Variants in RBL2 observed in about 807,000 individuals in gnomAD.
RBL2 encodes retinoblastoma-like protein 2.
RBL2 carries 56 observed loss-of-function variants against 126.0 expected under a neutral mutation model. The ratio of observed to expected loss-of-function variants is 0.44; its 90% CI spans 0.36 to 0.56. The LOEUF is 0.56. Ranked by LOEUF, RBL2 falls within the 20% of genes least tolerant of loss-of-function variation. RBL2 has a pLI of 0.00. For missense variants in RBL2, 1,229 were observed against 1,398.2 expected (o/e 0.88, Z 1.93); for synonymous variants, 454 against 478.5 (o/e 0.95, Z 0.67).
At chr16:53,446,316 A>G (rs767576926) in intron 3 of RBL2, among the ~76,000 whole-genome samples, 1 of 135,300 alleles carries the variant, frequency 7.4e-6, no homozygotes, top group Non-Finnish European at 1.5e-5. Flanking sequence ...GACAGATGAA[A>G]TGACTAAGGC....
intron 21 of RBL2, chr16:53,488,752 AAAAT>A (rs1486977495): frequency 6.6e-6 from 1 of 152,228 alleles, no homozygotes; most frequent in Non-Finnish European, 1.5e-5. Flanking sequence ...GACTTGTTGA[AAAAT>A]AAATTATGGT....
intron 12 of RBL2, among the ~76,000 whole-genome samples, chr16:53,465,052 C>T (rs2058260145): frequency 6.6e-6 from 1 of 152,216 alleles, no homozygotes; most frequent in African/African-American, 2.4e-5. Flanking sequence ...CACGGCCCCC[C>T]AGAGTGCTGG....
At chr16:53,446,910 T>TA in intron 3 of RBL2, 132 bp from the exon 4 acceptor site, 1 of 458,812 alleles carries the variant, frequency 2.2e-6, no homozygotes, top group Non-Finnish European at 3.9e-6. Flanking sequence ...GTCCACGTTT[T>TA]CCATGTGAAG....
In RBL2 at chr16:53,434,766, C is replaced by G; in HGVS notation, c.210C>G (p.Tyr70Ter). 1 of 1,529,970 alleles carries G rather than the reference C, an allele frequency of 6.5e-7. No individual in the cohort carries two copies. The highest frequency in any genetic ancestry group is 1.4e-5 in the African/African-American group (1 of 72,068). 94.8% of individuals were successfully genotyped at this position (1,529,970 alleles called of 1,614,324 possible). A position where few individuals can be genotyped will look rare whatever the true frequency, so the allele number is the denominator to read the frequency against. Residue 70 changes from tyrosine to a stop codon, truncating the protein, a stop_gained, in exon 1 of 22, where the codon TAC (tyrosine) becomes TAG (stop). Transcript: ENST00000262133. LOFTEE classifies it high-confidence loss of function. Reference protein sequence around the residue: ...EAARAEAWDSYRSMSESYTLE... With the variant: ...EAARAEAWDS Reference sequence around the variant, plus strand: ...CGCGGGCCGAGGCCTGGGACAGCTACCGCAGCATGAGCGAAAGCTACACGC... The same window carrying G: ...CGCGGGCCGAGGCCTGGGACAGCTAGCGCAGCATGAGCGAAAGCTACACGC...
chr16:53,461,340 A>C (rs750463254), intron 9 of RBL2, among the ~76,000 whole-genome samples: 1 of 152,178 alleles, frequency 6.6e-6, no homozygotes, highest in Admixed American at 6.5e-5. Context: ...TGAAAATACA[A>C]AAATTAGCTG....
rs1001828161 is a variant in RBL2, at chr16:53,490,853, C to T, written c.*553C>T. The T allele has an allele frequency of 1.3e-5, 2 of 152,616 alleles. No individual in the cohort carries two copies. The highest frequency in any genetic ancestry group is 4.8e-5 in the African/African-American group (2 of 41,432). 9.5% of individuals were successfully genotyped at this position (152,616 alleles called of 1,614,324 possible). A position where few individuals can be genotyped will look rare whatever the true frequency, so the allele number is the denominator to read the frequency against. ...CGTTCCCTTTGTGCACATCTTCCCTCTCCCCATTCGGTGTGGTGCAGTGTG... is the reference window on the plus strand; with the variant it reads ...CGTTCCCTTTGTGCACATCTTCCCTTTCCCCATTCGGTGTGGTGCAGTGTG... On this transcript the variant is annotated 3_prime_UTR_variant, in exon 22 of 22. Transcript: ENST00000262133.
At chr16:53,462,910 G>A (rs1376693984) in intron 11 of RBL2, among the ~76,000 whole-genome samples, 3 of 152,080 alleles carry the variant, frequency 2.0e-5, no homozygotes, top group East Asian at 1.9e-4. Flanking sequence ...GCACGATCTC[G>A]GCTCAATGCA....
chr16:53,454,444 C>G, intron 7 of RBL2: 1 of 490,682 alleles, frequency 2.0e-6, no homozygotes, highest in Non-Finnish European at 3.7e-6. Context: ...ACTTCGTGAT[C>G]CACCTGCCTC....
chr16:53,475,509 C>G (rs2150819535), intron 17 of RBL2, among the ~76,000 whole-genome samples: 1 of 152,268 alleles, frequency 6.6e-6, no homozygotes, highest in African/African-American at 2.4e-5. Flanking sequence ...AGCCCCTGTG[C>G]CCTGCTTTTT....
At chr16:53,439,497 A>G (rs1160347782) in intron 2 of RBL2, among the ~76,000 whole-genome samples, 1 of 152,196 alleles carries the variant, frequency 6.6e-6, no homozygotes, top group Non-Finnish European at 1.5e-5. Flanking sequence ...ATTATTTGCT[A>G]TTATACTTAG....
chr16:53,464,417 T>G (rs1235868324), intron 12 of RBL2, 54 bp downstream of exon 12: 1 of 1,398,246 alleles, frequency 7.2e-7, no homozygotes, highest in Non-Finnish European at 9.8e-7. Context: ...ACCAACTTCC[T>G]GTTGTTAGTC....
Position 53,469,970 on chromosome 16 carries a change from C to G in RBL2, c.2030C>G (p.Thr677Ser), listed in dbSNP as rs759233973. The G allele has an allele frequency of 3.1e-5, 50 of 1,613,402 alleles. No homozygotes were observed. The highest frequency in any genetic ancestry group is 4.1e-5 in the Non-Finnish European group (48 of 1,179,598). Reference sequence around the variant, plus strand: ...AGGTACAGCTCCCCACCAGCCAGCACTACCAGAAGGCGGCTATTTGTTGAG... The same window carrying G: ...AGGTACAGCTCCCCACCAGCCAGCAGTACCAGAAGGCGGCTATTTGTTGAG... ...YDRYSSPPAS[T>S]TRRRLFVEND... The change falls in exon 15 of 22, where the codon ACT becomes AGT. Residue 677 changes from threonine (T) to serine (S), a missense_variant. Coordinates refer to ENST00000262133, the MANE Select transcript of RBL2 (RefSeq NM_005611.4).
At position 53,479,234 on chromosome 16, in the gene RBL2, A is replaced by G. The variant is rs765055322; in HGVS notation, c.2775+9A>G. On this transcript the variant is annotated intron_variant, in intron 18 of 21. Transcript: ENST00000262133. ...CGCAGGCCCGGAGCCAGGTAACTAC[A>G]TTTTCTCTATGGGCTGAAAAATAAA... is the stretch of plus-strand genomic sequence containing the variant. The G allele has an allele frequency of 6.2e-7, 1 of 1,605,702 alleles. No homozygotes were observed. Among genetic ancestry groups the G allele is most frequent in the East Asian group, 2.2e-5 (1 of 44,818 alleles).
intron 4 of RBL2, among the ~76,000 whole-genome samples, chr16:53,448,009 A>G (rs1208395505): frequency 6.6e-6 from 1 of 152,160 alleles, no homozygotes; most frequent in African/African-American, 2.4e-5. Context: ...TTATATTATT[A>G]TATAGCTTTC....
At chr16:53,462,825 TTATG>T (rs199757673) in intron 11 of RBL2, among the ~76,000 whole-genome samples, 170 bp downstream of exon 11, 1 of 151,978 alleles carries the variant, frequency 6.6e-6, no homozygotes, top group Non-Finnish European at 1.5e-5. Flanking sequence ...TGCTTTTGTT[TTATG>T]TATGTATGTA....
At chr16:53,459,857 G>C (rs1275800334) in intron 9 of RBL2, among the ~76,000 whole-genome samples, 1 of 148,306 alleles carries the variant, frequency 6.7e-6, no homozygotes, top group Non-Finnish European at 1.5e-5. Flanking sequence ...ACAGTGTAGA[G>C]TAAAACACAA....
chr16:53,434,924 T>A, intron 1 of RBL2, 128 bp downstream of exon 1: 1 of 1,331,462 alleles, frequency 7.5e-7, no homozygotes, highest in Non-Finnish European at 9.8e-7. Flanking sequence ...GGGTGGGGAC[T>A]TCCTCTGCGC....
intron 17 of RBL2, among the ~76,000 whole-genome samples, chr16:53,473,623 C>T (rs1960605551): frequency 6.6e-6 from 1 of 151,888 alleles, no homozygotes; most frequent in African/African-American, 2.4e-5. Context: ...CTTGTCCAAA[C>T]TGGATGCCTT....
rs35715791 is a variant in RBL2, at chr16:53,481,652, A to AT, written c.3085-7dup. Reference sequence around the variant, plus strand: ...ATAAATTTTTTTCTTAGAATTACTGATTTTTTTTTTTTAAACAGATGGATG... The same window carrying AT: ...ATAAATTTTTTTCTTAGAATTACTGATTTTTTTTTTTTTAAACAGATGGATG... On this transcript the variant is annotated intron_variant, in intron 20 of 21. Coordinates refer to ENST00000262133, the MANE Select transcript of RBL2 (RefSeq NM_005611.4). 0.015 allele frequency: 15,521 copies of AT among 1,058,828 alleles called. 33 individuals carry two copies. The highest frequency in any genetic ancestry group is 0.051 in the African/African-American group (3,137 of 61,218). 65.6% of individuals were successfully genotyped at this position (1,058,828 alleles called of 1,614,324 possible).
Sources: allele counts gnomAD v4.1 joint callset (sites outside exome capture counted in the v4.1 genomes callset), GRCh38; gene constraint gnomAD v4.1.1; transcripts MANE v1.5; gene names NCBI Gene and HGNC (gene_info 2026-07-23, HGNC 2026-07-21).